PCDHGA6: variants seen among roughly 807,000 people sequenced by gnomAD.
PCDHGA6 encodes the protein protocadherin gamma subfamily A, 6.
Under a neutral mutation model 60.6 loss-of-function variants are expected in PCDHGA6, and 41 were observed. The observed-to-expected ratio is 0.68, with a 90% CI of 0.53 to 0.88. PCDHGA6 has a LOEUF of 0.88. Ranked by LOEUF, PCDHGA6 falls within the 40% of genes least tolerant of loss-of-function variation. The pLI is 0.00. For missense variants in PCDHGA6, 1,312 were observed against 1,203.0 expected, an observed-to-expected ratio of 1.09 and a Z score of -1.34; for synonymous variants, 594 against 524.4, an observed-to-expected ratio of 1.13 and a Z score of -1.81.
chr5:141,484,805 A>G (rs1594417928), intron 1 of PCDHGA6, among the ~76,000 whole-genome samples: 1 of 151,896 alleles, frequency 6.6e-6, no homozygotes, highest in East Asian at 1.9e-4. Context: ...CCGTGGAAAA[A>G]CATGCCGTTG....
chr5:141,398,753 G>A (rs141932976), intron 1 of PCDHGA6: 3 of 1,613,452 alleles, frequency 1.9e-6, no homozygotes, highest in East Asian at 2.2e-5. Flanking sequence ...AGTTACCATC[G>A]TTTAGTCCTG....
intron 1 of PCDHGA6, chr5:141,400,310 G>C: frequency 6.2e-7 from 1 of 1,614,084 alleles, no homozygotes; most frequent in African/African-American, 1.3e-5. Context: ...CCTGGTCTCT[G>C]TGTCAAGTCT....
intron 1 of PCDHGA6, among the ~76,000 whole-genome samples, chr5:141,484,740 GA>G (rs1047805396): frequency 6.6e-6 from 1 of 150,760 alleles, no homozygotes; most frequent in Non-Finnish European, 1.5e-5. Context: ...GGTGTGTTAG[GA>G]AAAAAAATGT....
intron 1 of PCDHGA6, chr5:141,390,071 CTG>C: frequency 1.2e-6 from 2 of 1,614,084 alleles, no homozygotes; most frequent in Middle Eastern, 1.6e-4. Context: ...AGCCTGGTCT[CTG>C]TGTTAAATCC....
intron 1 of PCDHGA6, chr5:141,410,343 G>A (rs890241182): frequency 6.2e-7 from 1 of 1,613,964 alleles, no homozygotes; most frequent in Non-Finnish European, 8.5e-7. Flanking sequence ...ATTGCCTTGC[G>A]CCTGCGACGC....
chr5:141,424,026 C>G, intron 1 of PCDHGA6: 1 of 1,041,918 alleles, frequency 9.6e-7, no homozygotes, highest in Non-Finnish European at 1.2e-6. Context: ...TTCACAAACA[C>G]TTTTTATTTC....
intron 1 of PCDHGA6, among the ~76,000 whole-genome samples, chr5:141,463,377 G>T (rs1161419035): frequency 2.7e-5 from 4 of 147,358 alleles, no homozygotes; most frequent in Non-Finnish European, 3.0e-5. Flanking sequence ...CCCACAGTCT[G>T]AAAGTTGTCT....
At chr5:141,400,668 G>A in intron 1 of PCDHGA6, 3 of 970,702 alleles carry the variant, frequency 3.1e-6, no homozygotes, top group Non-Finnish European at 4.6e-6. Context: ...TCTTTAAGAG[G>A]AGCAGTAAAT....
At chr5:141,417,345 A>G (rs937116752) in intron 1 of PCDHGA6, 3 of 153,022 alleles carry the variant, frequency 2.0e-5, no homozygotes, top group African/African-American at 7.2e-5. Flanking sequence ...GAGACCTATA[A>G]ACCTTCATGC....
chr5:141,383,159 C>A (rs769758778), intron 1 of PCDHGA6: 8 of 1,614,104 alleles, frequency 5.0e-6, no homozygotes, highest in Non-Finnish European at 5.9e-6. Context: ...TTGGTCACTG[C>A]GGGCAGGATA....
intron 1 of PCDHGA6, chr5:141,441,621 G>C (rs2098260273): frequency 9.0e-6 from 2 of 223,292 alleles, no homozygotes; most frequent in Non-Finnish European, 1.8e-5. Flanking sequence ...CGTGGCCAGT[G>C]ACCTGGAGCC....
chr5:141,424,149 G>T, intron 1 of PCDHGA6: 1 of 324,612 alleles, frequency 3.1e-6, no homozygotes. Flanking sequence ...GCTCCCTCTA[G>T]CTCTCCTTCT....
chr5:141,388,619 C>A (rs369637121), intron 1 of PCDHGA6: 1 of 1,613,852 alleles, frequency 6.2e-7, no homozygotes, highest in Admixed American at 1.7e-5. Flanking sequence ...TCAGTCAAGA[C>A]GTATACAGGG....
At chr5:141,430,384 A>G (rs547268242) in intron 1 of PCDHGA6, among the ~76,000 whole-genome samples, 32 of 122,116 alleles carry the variant, frequency 2.6e-4, no homozygotes, top group East Asian at 6.6e-4. Context: ...GCTCATTGGG[A>G]AAAAAAAAAA....
At chr5:141,499,689 CTTTTTTTTTTT>C in intron 2 of PCDHGA6, among the ~76,000 whole-genome samples, 1 of 119,852 alleles carries the variant, frequency 8.3e-6, no homozygotes, top group Non-Finnish European at 1.7e-5. Context: ...TAACAGATGA[CTTTTTTTTTTT>C]TTTTTTTTTT....
At chr5:141,448,139 C>A (rs1486636157) in intron 1 of PCDHGA6, among the ~76,000 whole-genome samples, 1 of 151,884 alleles carries the variant, frequency 6.6e-6, no homozygotes, top group African/African-American at 2.4e-5. Context: ...CCTCACTATA[C>A]CTCAGACTCA....
intron 1 of PCDHGA6, among the ~76,000 whole-genome samples, chr5:141,405,825 A>G (rs184785482): frequency 1.1e-3 from 172 of 152,272 alleles, no homozygotes; most frequent in Non-Finnish European, 1.9e-3. Context: ...TCTGTACTTA[A>G]GGTAGTATAA....
At chr5:141,457,750 C>G (rs900052683) in intron 1 of PCDHGA6, among the ~76,000 whole-genome samples, 4 of 152,188 alleles carry the variant, frequency 2.6e-5, no homozygotes, top group African/African-American at 9.6e-5. Flanking sequence ...AAGCTGAGCC[C>G]AGACATGGGT....
rs368884524 is a variant in PCDHGA6 at position 141,409,933 on chromosome 5, G to A, written c.2424+33426G>A. On this transcript the variant is annotated intron_variant, in intron 1 of 3. Coordinates refer to ENST00000517434, the MANE Select transcript of PCDHGA6 (RefSeq NM_018919.3). ...CTGACGGCTCCGCGTTCTTCGATAT[G>A]GTACCTCGCTCTGCAGAGCCCGGCT... 50 of 1,613,236 alleles carry A rather than the reference G, an allele frequency of 3.1e-5. No homozygotes were observed. The highest frequency in any genetic ancestry group is 4.1e-5 in the Non-Finnish European group (48 of 1,179,790).
Sources: allele counts gnomAD v4.1 joint callset (sites outside exome capture counted in the v4.1 genomes callset), GRCh38; gene constraint gnomAD v4.1.1; transcripts MANE v1.5; gene names NCBI Gene and HGNC (gene_info 2026-07-23, HGNC 2026-07-21).